Variants in CACNA2D1 observed in about 807,000 individuals in gnomAD.
CACNA2D1 encodes calcium voltage-gated channel auxiliary subunit alpha2delta 1, also known as voltage-dependent calcium channel subunit alpha-2/delta-1.
In CACNA2D1, 53 loss-of-function variants were observed where a neutral mutation model predicts 171.5. The ratio of observed to expected loss-of-function variants is 0.31; its 90% CI spans 0.25 to 0.39. The LOEUF is 0.39. Among genes scored for constraint, CACNA2D1 ranks in the 10% least tolerant of loss-of-function variants. CACNA2D1 has a pLI of 1.00. For synonymous variants in CACNA2D1, 442 were observed against 443.1 expected (o/e 1.00, Z 0.03); for missense variants, 903 against 1,299.8 (o/e 0.69, Z 4.69).
At chr7:82,404,815 A>G (rs1563504343) in intron 1 of CACNA2D1, among the ~76,000 whole-genome samples, 1 of 152,198 alleles carries the variant, frequency 6.6e-6, no homozygotes, top group Non-Finnish European at 1.5e-5. Context: ...GTCGAGAGAG[A>G]GAAGTGATTT....
At chr7:82,063,899 C>T (rs565071511) in intron 9 of CACNA2D1, among the ~76,000 whole-genome samples, 1 of 151,410 alleles carries the variant, frequency 6.6e-6, no homozygotes, top group African/African-American at 2.4e-5. Flanking sequence ...TGTCTCTTCA[C>T]CCAGGCTGGA....
intron 6 of CACNA2D1, among the ~76,000 whole-genome samples, chr7:82,096,614 T>C (rs1329717558): frequency 3.0e-5 from 4 of 135,570 alleles, no homozygotes; most frequent in African/African-American, 1.1e-4. Context: ...AAATAGGAAA[T>C]ACCTAGATAT....
chr7:82,310,386 T>A (rs956266830), intron 3 of CACNA2D1, among the ~76,000 whole-genome samples: 64 of 152,104 alleles, frequency 4.2e-4, no homozygotes, highest in African/African-American at 1.5e-3. Context: ...AATTTAAAGG[T>A]TGCTTTAAAA....
chr7:81,991,779 C>T lies in CACNA2D1; in HGVS notation c.1735-533G>A, dbSNP rs558136037. On this transcript the variant is annotated intron_variant, in intron 20 of 38. Transcript: ENST00000356860. The stretch of plus-strand genomic sequence containing the variant: ...AAATACAGAGCTAAGGAAGTTCATG[C>T]ATGGCTCTATCTTTTATACATTCTG... Among the ~76,000 whole-genome samples the T allele has an allele frequency of 6.6e-5, 10 of 152,130 alleles. No individual in the cohort carries two copies. The South Asian group carries it at 2.1e-3, about 32-fold the overall frequency.
chr7:82,420,573 A>G (rs944268857), intron 1 of CACNA2D1, among the ~76,000 whole-genome samples: 2 of 152,224 alleles, frequency 1.3e-5, no homozygotes, highest in Non-Finnish European at 2.9e-5. Context: ...AAGCATGAGA[A>G]AAGTATTCAC....
At chr7:81,973,414 G>GTGAA (rs1337345089) in intron 25 of CACNA2D1, among the ~76,000 whole-genome samples, 6 of 152,060 alleles carry the variant, frequency 3.9e-5, no homozygotes, top group Non-Finnish European at 8.8e-5. Context: ...CTGTGCTAAA[G>GTGAA]TGAAGGAGCT....
chr7:82,017,482 C>T (rs1344147351), intron 12 of CACNA2D1, among the ~76,000 whole-genome samples: 1 of 152,090 alleles, frequency 6.6e-6, no homozygotes, highest in Non-Finnish European at 1.5e-5. Context: ...CAACTTTCCA[C>T]TTGGAATTGT....
At chr7:82,130,791 CT>C (rs71093363) in intron 5 of CACNA2D1, among the ~76,000 whole-genome samples, 15,033 of 105,804 alleles carry the variant, frequency 0.14, 752 homozygotes, top group South Asian at 0.23. Context: ...TTGTTTTTGT[CT>C]TTTTTTTTTT....
chr7:82,298,810 C>G (rs1812611240), intron 3 of CACNA2D1, among the ~76,000 whole-genome samples: 1 of 152,100 alleles, frequency 6.6e-6, no homozygotes, highest in Non-Finnish European at 1.5e-5. Flanking sequence ...CGCCTATAAT[C>G]TCAGCACTTT....
chr7:82,034,263 A>G (rs1803043225), intron 11 of CACNA2D1, among the ~76,000 whole-genome samples: 1 of 152,064 alleles, frequency 6.6e-6, no homozygotes, highest in South Asian at 2.1e-4. Context: ...AATGACTAAT[A>G]TTTTTTAAAA....
At chr7:82,319,695 T>C (rs1433301268) in intron 3 of CACNA2D1, among the ~76,000 whole-genome samples, 1 of 152,202 alleles carries the variant, frequency 6.6e-6, no homozygotes, top group African/African-American at 2.4e-5. Flanking sequence ...TTATTAGACC[T>C]TTAAGTTGAC....
At chr7:82,358,997 G>A (rs1820777872) in intron 1 of CACNA2D1, among the ~76,000 whole-genome samples, 1 of 152,110 alleles carries the variant, frequency 6.6e-6, no homozygotes, top group Non-Finnish European at 1.5e-5. Flanking sequence ...TTAGCTGGGG[G>A]AGTGTTCTCA....
At chr7:82,433,494 AAATTAT>A (rs1366004288) in intron 1 of CACNA2D1, among the ~76,000 whole-genome samples, 1 of 152,226 alleles carries the variant, frequency 6.6e-6, no homozygotes, top group Non-Finnish European at 1.5e-5. Flanking sequence ...CAGTAAATTA[AAATTAT>A]ATCTATCCTG....
At chr7:82,174,091 G>T (rs1796318543) in intron 3 of CACNA2D1, among the ~76,000 whole-genome samples, 1 of 124,086 alleles carries the variant, frequency 8.1e-6, no homozygotes, top group South Asian at 2.9e-4. Flanking sequence ...CCAATAAAAT[G>T]TGAGTATCTG....
At chr7:82,069,713 C>CTTTTTTT (rs3839803) in intron 7 of CACNA2D1, among the ~76,000 whole-genome samples, 1 of 150,182 alleles carries the variant, frequency 6.7e-6, no homozygotes, top group Non-Finnish European at 1.5e-5. Flanking sequence ...CGAAGTACCC[C>CTTTTTTT]TTTTTTTTTT....
chr7:82,108,906 C>T (rs960738408), intron 6 of CACNA2D1, among the ~76,000 whole-genome samples: 1 of 152,106 alleles, frequency 6.6e-6, no homozygotes, highest in East Asian at 1.9e-4. Flanking sequence ...TTTCCCTGCT[C>T]GCACCTAATG....
chr7:81,976,005 A>G (rs1795798583), intron 24 of CACNA2D1, among the ~76,000 whole-genome samples: 2 of 145,578 alleles, frequency 1.4e-5, no homozygotes, highest in African/African-American at 5.1e-5. Context: ...AAAAAAAAAA[A>G]GCAGAAAGCA....
At chr7:81,965,780 A>G (rs1437938602) in intron 31 of CACNA2D1, 115 bp from the exon 32 acceptor site, 2 of 723,746 alleles carry the variant, frequency 2.8e-6, no homozygotes, top group East Asian at 5.1e-5. Context: ...TTAAATGCCT[A>G]TCTTCTCTTG....
rs141934226 is a variant in CACNA2D1, at chr7:82,406,618, T to C, written c.95+36747A>G. Among the ~76,000 whole-genome samples, 457 of 152,362 alleles carry C rather than the reference T, an allele frequency of 3.0e-3. 3 individuals are homozygous for C. The highest frequency in any genetic ancestry group is 0.01 in the African/African-American group (431 of 41,592). ...TGTGAGATGGTATCTCATTGTGGTT[T>C]TGATTTGCATTTCTTTAATGGCCAG... On this transcript the variant is annotated intron_variant, in intron 1 of 38. Transcript: ENST00000356860.
Sources: allele counts gnomAD v4.1 joint callset (sites outside exome capture counted in the v4.1 genomes callset), GRCh38; gene constraint gnomAD v4.1.1; transcripts MANE v1.5; gene names NCBI Gene and HGNC (gene_info 2026-07-23, HGNC 2026-07-21).